The following ALG9 variants were observed in gnomAD, a reference collection of about 807,000 sequenced individuals.
ALG9 encodes the protein alpha-1,2-mannosyltransferase ALG9.
ALG9 carries 55 observed loss-of-function variants against 81.8 expected under a neutral mutation model. That is an observed-to-expected ratio of 0.67 (90% CI 0.54 to 0.84). The LOEUF (loss-of-function observed/expected upper bound fraction) is 0.84. Among genes scored for constraint, ALG9 ranks in the 40% least tolerant of loss-of-function variants. The pLI, the probability that ALG9 is intolerant of heterozygous loss-of-function variation, is 0.00. For synonymous variants in ALG9, 278 were observed against 274.3 expected (o/e 1.01, Z -0.13); for missense variants, 629 against 745.0 (o/e 0.84, Z 1.81).
intron 8 of ALG9, among the ~76,000 whole-genome samples, chr11:111,846,989 C>T (rs1202571335): frequency 6.6e-6 from 1 of 151,936 alleles, no homozygotes; most frequent in Non-Finnish European, 1.5e-5. Context: ...TGCCTCAAGT[C>T]CTTTCAATCA....
chr11:111,864,145 T>C (rs1961404728), intron 4 of ALG9: 2 of 508,670 alleles, frequency 3.9e-6, no homozygotes, highest in Admixed American at 3.7e-5. Flanking sequence ...AAATAAAAAT[T>C]AAAAAAAGAA....
intron 4 of ALG9, chr11:111,864,205 T>TGACCCAC (rs1961441389): frequency 3.0e-6 from 2 of 665,082 alleles, no homozygotes; most frequent in East Asian, 5.5e-5. Flanking sequence ...CAGGCCCCGC[T>TGACCCAC]GACCCACGAC....
Position 111,782,483 on chromosome 11 carries a change from G to A in ALG9, c.*3914C>T, listed in dbSNP as rs1555057552. On this transcript the variant is annotated 3_prime_UTR_variant, in exon 15 of 15. Transcript: ENST00000616540. ...CTGTTGCAAAAAAAATTAAAGCTGG[G>A]CACATGTCCATTTATCCATTTACCC... 3 of 152,598 alleles carry A rather than the reference G, an allele frequency of 2.0e-5. No homozygotes were observed. Among genetic ancestry groups the A allele is most frequent in the African/African-American group, 7.2e-5 (3 of 41,434 alleles). The allele number at this position is 152,598 out of a possible 1,614,324, so 9.5% of individuals were successfully genotyped here.
At chr11:111,773,153 G>C in the ALG9 span, among the ~76,000 whole-genome samples, 1 of 151,868 alleles carries the variant, frequency 6.6e-6, no homozygotes, top group Non-Finnish European at 1.5e-5. Context: ...AAACACAAGA[G>C]AGTACATCTG....
intron 13 of ALG9, among the ~76,000 whole-genome samples, chr11:111,820,138 T>C (rs955092901): frequency 4.0e-5 from 6 of 151,850 alleles, no homozygotes; most frequent in Non-Finnish European, 7.4e-5. Context: ...TATATGACTC[T>C]ATTCAGATCC....
Position 111,844,564 on chromosome 11 carries a change from T to C in ALG9, c.1018+37A>G, listed in dbSNP as rs1419483463. 3 of 1,613,138 alleles carry C rather than the reference T, an allele frequency of 1.9e-6. No homozygotes were observed. The Admixed American group carries it at 5.0e-5, about 27-fold the overall frequency. On this transcript the variant is annotated intron_variant, in intron 9 of 14. Transcript: ENST00000616540. ...TTGGTATACACCATTACTTGCTCTT[T>C]CCTCCCAAAACACCTACCATCTCTT...
At chr11:111,863,684 G>A (rs780957333) in intron 4 of ALG9, among the ~76,000 whole-genome samples, 7 of 152,058 alleles carry the variant, frequency 4.6e-5, no homozygotes, top group Non-Finnish European at 1.0e-4. Context: ...ATTTATTACC[G>A]GGACACTTAA....
chr11:111,846,052 C>T lies in ALG9; in HGVS notation c.896-1329G>A, dbSNP rs191169684. ...GGACATTTTAATCTTGTATTCTTTA[C>T]AAATATGCATTTGGGTTATAGAAAA... On this transcript the variant is annotated intron_variant, in intron 8 of 14. Transcript: ENST00000616540. Among the ~76,000 whole-genome samples, 1,012 of 152,324 alleles carry T rather than the reference C, an allele frequency of 6.6e-3. 6 individuals are homozygous for T. Among genetic ancestry groups the T allele is most frequent in the Middle Eastern group, 0.051 (15 of 294 alleles).
At chr11:111,847,917 T>C (rs1592261014) in intron 8 of ALG9, among the ~76,000 whole-genome samples, 1 of 152,164 alleles carries the variant, frequency 6.6e-6, no homozygotes, top group African/African-American at 2.4e-5. Context: ...ACCTATTCTA[T>C]AGATTGGATC....
At chr11:111,855,209 T>A (rs1958468597) in intron 6 of ALG9, among the ~76,000 whole-genome samples, 1 of 152,198 alleles carries the variant, frequency 6.6e-6, no homozygotes, top group Non-Finnish European at 1.5e-5. Flanking sequence ...CATAGTCTTC[T>A]CCCTCTGTGT....
In ALG9 at chr11:111,783,501, T is replaced by G. The variant is rs1946141160; in HGVS notation, c.*2896A>C. 1 of 152,030 alleles carries G rather than the reference T, an allele frequency of 6.6e-6. No homozygotes were observed. The highest frequency in any genetic ancestry group is 1.9e-4 in the East Asian group (1 of 5,174). The allele number at this position is 152,030 out of a possible 1,614,324, so 9.4% of individuals were successfully genotyped here. A position where few individuals can be genotyped will look rare whatever the true frequency, so the allele number is the denominator to read the frequency against. ...TCTGTAGTCCCACATCCCTCTATAC[T>G]CCACAATCTATGGAGAAATAAGTAT... On this transcript the variant is annotated 3_prime_UTR_variant, in exon 15 of 15. Coordinates refer to ENST00000616540, the MANE Select transcript of ALG9 (RefSeq NM_024740.2).
rs1382003597 is a variant in ALG9 at position 111,782,551 on chromosome 11, G to A, written c.*3846C>T. The A allele has an allele frequency of 2.6e-5, 4 of 152,620 alleles. No homozygotes were observed. Among genetic ancestry groups the A allele is most frequent in the Admixed American group, 6.5e-5 (1 of 15,272 alleles). 9.5% of individuals were successfully genotyped at this position (152,620 alleles called of 1,614,324 possible). On this transcript the variant is annotated 3_prime_UTR_variant, in exon 15 of 15. Transcript: ENST00000616540. ...AGCATAAGAATGCACTGATTAACAC[G>A]TGAGCTTTAATATGCTTGTGGAGGC...
intron 13 of ALG9, among the ~76,000 whole-genome samples, chr11:111,825,669 T>G (rs901266950): frequency 1.3e-5 from 2 of 152,214 alleles, no homozygotes; most frequent in Non-Finnish European, 1.5e-5. Flanking sequence ...GTACACTGTT[T>G]AATAACATTT....
At chr11:111,820,032 A>T (rs1162083117) in intron 13 of ALG9, among the ~76,000 whole-genome samples, 6 of 152,196 alleles carry the variant, frequency 3.9e-5, no homozygotes, top group African/African-American at 1.4e-4. Context: ...CCTCCATAAT[A>T]CCATACAATA....
chr11:111,820,921 C>CACAT (rs1491261012), intron 13 of ALG9, among the ~76,000 whole-genome samples: 2 of 15,590 alleles, frequency 1.3e-4, no homozygotes, highest in African/African-American at 5.8e-4. Context: ...AACACGCGCG[C>CACAT]ACACACACAC....
chr11:111,870,869 A>G, intron 1 of ALG9: 1 of 1,000,740 alleles, frequency 1.0e-6, no homozygotes. Context: ...ATGTTCAGAT[A>G]GAAGCCTAGG....
chr11:111,796,229 C>T (rs1948260320), intron 14 of ALG9, among the ~76,000 whole-genome samples: 1 of 152,160 alleles, frequency 6.6e-6, no homozygotes, highest in South Asian at 2.1e-4. Flanking sequence ...ATGTGAAATA[C>T]ACAATCAATA....
chr11:111,863,240 C>T (rs1960980194), intron 4 of ALG9, among the ~76,000 whole-genome samples: 1 of 152,128 alleles, frequency 6.6e-6, no homozygotes, highest in Non-Finnish European at 1.5e-5. Flanking sequence ...CACCTGTAAT[C>T]CCAGCTACTC....
intron 14 of ALG9, among the ~76,000 whole-genome samples, chr11:111,802,708 T>A (rs1474167317): frequency 6.6e-6 from 1 of 152,208 alleles, no homozygotes; most frequent in Non-Finnish European, 1.5e-5. Flanking sequence ...TTACCTGTTT[T>A]GTGCCTCACA....
Sources: gnomAD v4.1 joint callset for allele counts (sites outside exome capture counted in the v4.1 genomes callset) on GRCh38, gnomAD v4.1.1 for gene constraint, MANE v1.5 for transcripts, NCBI Gene and HGNC (gene_info 2026-07-23, HGNC 2026-07-21) for gene names.